Variants in AGAP1 observed in about 807,000 individuals in gnomAD.
The protein encoded by AGAP1 is ArfGAP with GTPase domain, ankyrin repeat and PH domain 1, also known as arf-GAP with GTPase, ANK repeat and PH domain-containing protein 1.
In AGAP1, 29 loss-of-function variants were observed where a neutral mutation model predicts 105.3. That is an observed-to-expected ratio of 0.28 (90% CI 0.21 to 0.38). The LOEUF is 0.38. Ranked by LOEUF, AGAP1 falls within the 10% of genes least tolerant of loss-of-function variation. The pLI is 1.00. For synonymous variants in AGAP1, 509 were observed against 485.9 expected (o/e 1.05, Z -0.63); for missense variants, 998 against 1,165.1 (o/e 0.86, Z 2.09).
rs114682841 is a variant in AGAP1 at position 235,911,824 on chromosome 2, G to A, written c.1324+2918G>A. Among the ~76,000 whole-genome samples, 1,342 of 152,338 alleles carry A rather than the reference G, an allele frequency of 8.8e-3. 8 individuals are homozygous for A. Among genetic ancestry groups the A allele is most frequent in the Non-Finnish European group, 0.015 (997 of 68,038 alleles). On this transcript the variant is annotated intron_variant, in intron 11 of 17. Transcript: ENST00000304032. Reference sequence around the variant, plus strand: ...AGGACATCTCCGCAACCCTCAAACAGGTTAATCCCACACAGGGGCCTGGCT... The same window carrying A: ...AGGACATCTCCGCAACCCTCAAACAAGTTAATCCCACACAGGGGCCTGGCT...
chr2:235,619,097 G>A (rs570508979), intron 1 of AGAP1, among the ~76,000 whole-genome samples: 16 of 152,282 alleles, frequency 1.1e-4, no homozygotes, highest in African/African-American at 3.6e-4. Flanking sequence ...AGAACCTCCA[G>A]GATCACAGCC....
At chr2:235,704,717 T>A (rs1176494765) in intron 1 of AGAP1, among the ~76,000 whole-genome samples, 2 of 152,216 alleles carry the variant, frequency 1.3e-5, no homozygotes, top group Non-Finnish European at 2.9e-5. Context: ...CTGGCTTTGC[T>A]AAGCGTCCCA....
At chr2:236,013,126 A>G (rs1469582453) in intron 13 of AGAP1, among the ~76,000 whole-genome samples, 1 of 152,246 alleles carries the variant, frequency 6.6e-6, no homozygotes, top group Non-Finnish European at 1.5e-5. Flanking sequence ...AGAAGCAACT[A>G]AATCACAGCT....
In AGAP1 at chr2:235,609,928, G is replaced by A. The variant is rs1574958042; in HGVS notation, c.164-99251G>A. 6.6e-6 allele frequency among the ~76,000 whole-genome samples: 1 copy of A among 152,126 alleles called. No individual in the cohort carries two copies. The highest frequency in any genetic ancestry group is 1.9e-4 in the East Asian group (1 of 5,178). On this transcript the variant is annotated intron_variant, in intron 1 of 17. Coordinates refer to ENST00000304032, the MANE Select transcript of AGAP1 (RefSeq NM_001037131.3). The surrounding 1 kb of genome is among the most constrained non-coding windows in gnomAD (Gnocchi z 5.1). ...GAAGTCACTGGGCTGGGTGCAGGGA[G>A]TGAGTGGCCAACCACCTGAGAATAC...
Position 235,792,765 on chromosome 2 carries a change from G to A in AGAP1, c.674-4994G>A, listed in dbSNP as rs79194373. Reference sequence around the variant, plus strand: ...CTAGGAGGCCCAGGCTGGGCGGCGCGGACTTGAAGGCGCCTCTAGCAGATC... The same window carrying A: ...CTAGGAGGCCCAGGCTGGGCGGCGCAGACTTGAAGGCGCCTCTAGCAGATC... On this transcript the variant is annotated intron_variant, in intron 6 of 17. Transcript: ENST00000304032. This position sits in a 1 kb window ranked among gnomAD's most constrained non-coding sequence, Gnocchi z 5.3. Among the ~76,000 whole-genome samples the A allele has an allele frequency of 1.3e-5, 2 of 152,172 alleles. No individual in the cohort carries two copies. The highest frequency in any genetic ancestry group is 4.1e-4 in the South Asian group (2 of 4,832).
At chr2:235,510,940 C>G (rs1286513194) in intron 1 of AGAP1, among the ~76,000 whole-genome samples, 1 of 123,220 alleles carries the variant, frequency 8.1e-6, no homozygotes, top group Non-Finnish European at 1.5e-5. Flanking sequence ...GTTTCCCTGT[C>G]TGTAAATCCG....
intron 1 of AGAP1, among the ~76,000 whole-genome samples, chr2:235,521,145 A>T (rs1409631391): frequency 6.6e-6 from 1 of 152,260 alleles, no homozygotes; most frequent in Non-Finnish European, 1.5e-5. Flanking sequence ...TGTGACCACC[A>T]GAATGAGTTC....
At chr2:235,688,575 A>G (rs1949582885) in intron 1 of AGAP1, among the ~76,000 whole-genome samples, 2 of 152,264 alleles carry the variant, frequency 1.3e-5, no homozygotes, top group African/African-American at 4.8e-5. Flanking sequence ...TGCAGGCCCT[A>G]CTAGAATCTG....
intron 1 of AGAP1, among the ~76,000 whole-genome samples, chr2:235,697,045 T>C (rs1358254733): frequency 6.6e-6 from 1 of 152,140 alleles, no homozygotes; most frequent in Non-Finnish European, 1.5e-5. Context: ...TAAGTCCGGT[T>C]ATTTTAGCTG....
At chr2:235,523,996 T>C (rs1942729262) in intron 1 of AGAP1, among the ~76,000 whole-genome samples, 1 of 152,162 alleles carries the variant, frequency 6.6e-6, no homozygotes, top group African/African-American at 2.4e-5. Context: ...CTCACCACCC[T>C]GTGACCTGGC....
rs71913214 is a variant in AGAP1, at chr2:235,872,260, TA to T, written c.1051-11074del. ...GAGTGAGCCCAATATTGCATAGAAA[TA>T]AAAAAAAAAAGTTCTAAATAAATGC... On this transcript the variant is annotated intron_variant, in intron 9 of 17. Transcript: ENST00000304032. The surrounding 1 kb of genome is among the most constrained non-coding windows in gnomAD (Gnocchi z 4.5). Among the ~76,000 whole-genome samples, 6,339 of 144,046 alleles carry T rather than the reference TA, an allele frequency of 0.044. 247 individuals are homozygous for T. The highest frequency in any genetic ancestry group is 0.11 in the African/African-American group (4,451 of 39,526). The allele number at this position is 144,046 out of a possible 152,430, so 94.5% of individuals were successfully genotyped here.
intron 6 of AGAP1, among the ~76,000 whole-genome samples, chr2:235,795,429 A>T (rs977544557): frequency 2.0e-5 from 3 of 152,200 alleles, no homozygotes; most frequent in African/African-American, 7.2e-5. Context: ...GGCAGACATT[A>T]CAAAGGAGTC....
In AGAP1 at chr2:235,610,151, T is replaced by G. The variant is rs1421085349; in HGVS notation, c.164-99028T>G. 6.6e-6 allele frequency among the ~76,000 whole-genome samples: 1 copy of G among 152,170 alleles called. No individual in the cohort carries two copies. Among genetic ancestry groups the G allele is most frequent in the Non-Finnish European group, 1.5e-5 (1 of 68,022 alleles). On this transcript the variant is annotated intron_variant, in intron 1 of 17. Transcript: ENST00000304032. The surrounding 1 kb of genome is among the most constrained non-coding windows in gnomAD (Gnocchi z 4.9). ...CCATTGGAGTAAGCTCCAGCCCAGC[T>G]CCTGGCTTCTGATCTGTGTTGACTG... is the stretch of plus-strand genomic sequence containing the variant.
At chr2:235,666,859 A>G (rs1948143642) in intron 1 of AGAP1, among the ~76,000 whole-genome samples, 1 of 152,088 alleles carries the variant, frequency 6.6e-6, no homozygotes, top group Non-Finnish European at 1.5e-5. Flanking sequence ...CTTTCATATT[A>G]AAGTTCATCT....
At position 235,930,668 on chromosome 2, in the gene AGAP1, GCAC is replaced by G; in HGVS notation, c.1325-96_1325-94del. On this transcript the variant is annotated intron_variant, in intron 11 of 17. Coordinates refer to ENST00000304032, the MANE Select transcript of AGAP1 (RefSeq NM_001037131.3). This position sits in a 1 kb window ranked among gnomAD's most constrained non-coding sequence, Gnocchi z 7.9. ...CAGGGGCTGCTCTCGGTGGTAAGGTGCACTATGTGCCAGCGTGTGGGTCCCATA... is the reference window on the plus strand; with the variant it reads ...CAGGGGCTGCTCTCGGTGGTAAGGTGTATGTGCCAGCGTGTGGGTCCCATA... 1 of 1,254,752 alleles carries G rather than the reference GCAC, an allele frequency of 8.0e-7. No individual in the cohort carries two copies. Among genetic ancestry groups the G allele is most frequent in the Non-Finnish European group, 1.1e-6 (1 of 913,960 alleles). 77.7% of individuals were successfully genotyped at this position (1,254,752 alleles called of 1,614,324 possible). A position where few individuals can be genotyped will look rare whatever the true frequency, so the allele number is the denominator to read the frequency against.
At position 235,891,599 on chromosome 2, in the gene AGAP1, G is replaced by A. The variant is rs375380548; in HGVS notation, c.1155+8150G>A. Among the ~76,000 whole-genome samples, 2 of 152,150 alleles carry A rather than the reference G, an allele frequency of 1.3e-5. No individual in the cohort carries two copies. The highest frequency in any genetic ancestry group is 2.9e-5 in the Non-Finnish European group (2 of 68,042). On this transcript the variant is annotated intron_variant, in intron 10 of 17. Transcript: ENST00000304032. This position sits in a 1 kb window ranked among gnomAD's most constrained non-coding sequence, Gnocchi z 4.2. The stretch of plus-strand genomic sequence containing the variant: ...TGGCCACCTATTCATCTTCCATGTC[G>A]CAAGCACGGCCGTCGAGTGCAAGGC...
At chr2:235,897,672 A>G (rs1009019101) in intron 10 of AGAP1, among the ~76,000 whole-genome samples, 2 of 152,330 alleles carry the variant, frequency 1.3e-5, no homozygotes, top group Admixed American at 6.5e-5. Flanking sequence ...TACACAAGGT[A>G]AATAAATCAA....
intron 6 of AGAP1, among the ~76,000 whole-genome samples, chr2:235,773,571 C>A (rs566542268): frequency 6.6e-6 from 1 of 152,254 alleles, no homozygotes; most frequent in Admixed American, 6.5e-5. Context: ...GGTTTTCGTT[C>A]GATTTAGTTC....
intron 16 of AGAP1, among the ~76,000 whole-genome samples, chr2:236,060,461 G>A (rs1472676041): frequency 6.6e-6 from 1 of 152,146 alleles, no homozygotes; most frequent in Non-Finnish European, 1.5e-5. Flanking sequence ...GGCCAAGGTG[G>A]GAGGATCACT....
Sources: allele counts gnomAD v4.1 joint callset (sites outside exome capture counted in the v4.1 genomes callset), GRCh38; gene constraint gnomAD v4.1.1; non-coding constraint Gnocchi (gnomAD v3.1); transcripts MANE v1.5; gene names NCBI Gene and HGNC (gene_info 2026-07-23, HGNC 2026-07-21).